The following ZMAT4 variants were observed in gnomAD, a reference collection of about 807,000 sequenced individuals.
The protein encoded by ZMAT4 is zinc finger matrin-type 4.
A neutral mutation model predicts 28.7 loss-of-function variants in ZMAT4; 17 were observed. The ratio of observed to expected loss-of-function variants is 0.59; its 90% CI spans 0.41 to 0.89. The LOEUF (loss-of-function observed/expected upper bound fraction) is 0.89. Ranked by LOEUF, ZMAT4 falls within the 40% of genes least tolerant of loss-of-function variation. ZMAT4 has a pLI of 0.00. For synonymous variants in ZMAT4, 117 were observed against 109.2 expected (o/e 1.07, Z -0.44); for missense variants, 240 against 283.8 (o/e 0.85, Z 1.11).
At chr8:40,686,874 G>A (rs1381270043) in intron 4 of ZMAT4, among the ~76,000 whole-genome samples, 2 of 152,046 alleles carry the variant, frequency 1.3e-5, no homozygotes, top group African/African-American at 2.4e-5. Flanking sequence ...CAGGCATCTT[G>A]ACCACAGAGA....
intron 1 of ZMAT4, among the ~76,000 whole-genome samples, chr8:40,841,787 C>A (rs987722151): frequency 6.6e-6 from 1 of 152,182 alleles, no homozygotes; most frequent in Non-Finnish European, 1.5e-5. Flanking sequence ...GTAAAATGCA[C>A]TAGTGTAATC....
At chr8:40,687,183 A>G (rs1809447235) in intron 4 of ZMAT4, among the ~76,000 whole-genome samples, 1 of 152,224 alleles carries the variant, frequency 6.6e-6, no homozygotes, top group South Asian at 2.1e-4. Context: ...AGGATGTGGA[A>G]TTACTTAGCC....
At chr8:40,770,632 C>T (rs1484603260) in intron 2 of ZMAT4, among the ~76,000 whole-genome samples, 1 of 151,374 alleles carries the variant, frequency 6.6e-6, no homozygotes, top group East Asian at 1.9e-4. Context: ...ACTGCAACCT[C>T]CACCTCCCAG....
intron 5 of ZMAT4, among the ~76,000 whole-genome samples, chr8:40,626,362 G>A (rs926372567): frequency 1.3e-5 from 2 of 152,114 alleles, no homozygotes; most frequent in African/African-American, 4.8e-5. Flanking sequence ...TAAGATGAGG[G>A]TTCTGACAAC....
intron 5 of ZMAT4, among the ~76,000 whole-genome samples, chr8:40,646,154 G>GT (rs1203732206): frequency 2.0e-5 from 3 of 151,756 alleles, no homozygotes; most frequent in African/African-American, 7.3e-5. Context: ...CTTTTTAAGT[G>GT]TTTAATTCAC....
chr8:40,565,687 A>T (rs1181824769), intron 6 of ZMAT4, among the ~76,000 whole-genome samples: 1 of 151,020 alleles, frequency 6.6e-6, no homozygotes, highest in Non-Finnish European at 1.5e-5. Context: ...CATTGCCACC[A>T]TCTTTTTCAT....
chr8:40,701,786 G>A (rs997434787), intron 3 of ZMAT4, among the ~76,000 whole-genome samples: 12 of 152,016 alleles, frequency 7.9e-5, no homozygotes, highest in African/African-American at 2.7e-4. Context: ...CCAAAGTGCT[G>A]GGATTACAGG....
chr8:40,597,245 G>A (rs933584370), intron 5 of ZMAT4, among the ~76,000 whole-genome samples: 1 of 152,220 alleles, frequency 6.6e-6, no homozygotes, highest in African/African-American at 2.4e-5. Context: ...ACAATGTGAG[G>A]ACTTGCAGGC....
At chr8:40,878,912 T>G (rs1326562068) in intron 1 of ZMAT4, among the ~76,000 whole-genome samples, 1 of 152,226 alleles carries the variant, frequency 6.6e-6, no homozygotes, top group Admixed American at 6.5e-5. Context: ...TTTAAGAAAC[T>G]GCTTCCTGGC....
At chr8:40,633,392 ATG>A in intron 5 of ZMAT4, among the ~76,000 whole-genome samples, 1 of 152,316 alleles carries the variant, frequency 6.6e-6, no homozygotes, top group East Asian at 1.9e-4. Flanking sequence ...GACACATGCG[ATG>A]TGATGGCAGA....
intron 2 of ZMAT4, among the ~76,000 whole-genome samples, chr8:40,781,776 A>G (rs1396035145): frequency 6.7e-6 from 1 of 148,324 alleles, no homozygotes; most frequent in Non-Finnish European, 1.5e-5. Flanking sequence ...AAAAAAAAAA[A>G]AAAAAAAAAA....
intron 4 of ZMAT4, among the ~76,000 whole-genome samples, chr8:40,691,418 A>G (rs199976210): frequency 4.0e-4 from 51 of 128,626 alleles, no homozygotes; most frequent in East Asian, 9.4e-4. Context: ...AAAAAAAAAA[A>G]AGAGAGAGAG....
chr8:40,533,585 C>T (rs1802760608), intron 6 of ZMAT4, among the ~76,000 whole-genome samples: 1 of 152,114 alleles, frequency 6.6e-6, no homozygotes. Context: ...CACCTAGAAA[C>T]ACAGAGCATA....
chr8:40,761,518 C>T (rs560825351), intron 3 of ZMAT4, among the ~76,000 whole-genome samples: 41 of 152,218 alleles, frequency 2.7e-4, no homozygotes, highest in African/African-American at 9.4e-4. Flanking sequence ...CTCCAGCTTC[C>T]ATCAAAAAAT....
intron 6 of ZMAT4, among the ~76,000 whole-genome samples, chr8:40,546,148 A>C (rs1458245959): frequency 6.6e-6 from 1 of 152,012 alleles, no homozygotes; most frequent in Non-Finnish European, 1.5e-5. Context: ...CAGTAAAAAG[A>C]AAAGCAAATT....
chr8:40,657,281 C>T (rs991289607), intron 5 of ZMAT4, among the ~76,000 whole-genome samples: 2 of 152,126 alleles, frequency 1.3e-5, no homozygotes, highest in African/African-American at 4.8e-5. Flanking sequence ...CATTTTCCAT[C>T]CTTTTTGAAG....
intron 4 of ZMAT4, among the ~76,000 whole-genome samples, chr8:40,679,246 C>T (rs372688085): frequency 9.9e-5 from 15 of 152,194 alleles, no homozygotes; most frequent in East Asian, 9.6e-4. Flanking sequence ...TTGAGTAATA[C>T]TATAAAATAA....
intron 5 of ZMAT4, among the ~76,000 whole-genome samples, chr8:40,632,652 G>A (rs1165070216): frequency 6.6e-6 from 1 of 152,152 alleles, no homozygotes; most frequent in Non-Finnish European, 1.5e-5. Context: ...GAGAAGCAAG[G>A]AAGGATGAGT....
At chr8:40,639,771 TACACACACACACAC>T (rs10676366) in intron 5 of ZMAT4, among the ~76,000 whole-genome samples, 1 of 146,354 alleles carries the variant, frequency 6.8e-6, no homozygotes, top group Non-Finnish European at 1.5e-5. Flanking sequence ...GTCCTTTTGT[TACACACACACACAC>T]ACACACACAC....
Sources: allele counts gnomAD v4.1 joint callset (sites outside exome capture counted in the v4.1 genomes callset), GRCh38; gene constraint gnomAD v4.1.1; transcripts MANE v1.5; gene names NCBI Gene and HGNC (gene_info 2026-07-23, HGNC 2026-07-21).